Variants in UBASH3B observed in about 807,000 individuals in gnomAD.
The protein encoded by UBASH3B is ubiquitin associated and SH3 domain containing B, also known as ubiquitin-associated and SH3 domain-containing protein B.
UBASH3B carries 37 observed loss-of-function variants against 83.4 expected under a neutral mutation model. The observed-to-expected ratio is 0.44, with a 90% CI of 0.34 to 0.58. UBASH3B has a LOEUF of 0.58. Ranked by LOEUF, UBASH3B falls within the 20% of genes least tolerant of loss-of-function variation. The pLI is 0.01. For synonymous variants in UBASH3B, 304 were observed against 318.3 expected (o/e 0.96, Z 0.48); for missense variants, 657 against 827.2 (o/e 0.79, Z 2.52).
At chr11:122,750,751 CCA>C (rs1481444138) in intron 1 of UBASH3B, among the ~76,000 whole-genome samples, 1 of 152,170 alleles carries the variant, frequency 6.6e-6, no homozygotes, top group Non-Finnish European at 1.5e-5. Flanking sequence ...AGATCCTAGT[CCA>C]AGCTCTACTT....
At chr11:122,717,209 G>A (rs1353010036) in intron 1 of UBASH3B, among the ~76,000 whole-genome samples, 1 of 152,130 alleles carries the variant, frequency 6.6e-6, no homozygotes, top group Non-Finnish European at 1.5e-5. Flanking sequence ...GCAAGGCCCA[G>A]AGACATGGAG....
rs991011056 is a variant in UBASH3B at position 122,695,872 on chromosome 11, T to A, written c.161+39662T>A. On this transcript the variant is annotated intron_variant, in intron 1 of 13. Transcript: ENST00000284273. ...AGAGCTACGGGTGGTAGTTTAGAAC[T>A]GTTGGGAAGTTACTAAATAGTCACA... Among the ~76,000 whole-genome samples the A allele has an allele frequency of 2.6e-5, 4 of 152,370 alleles. No individual in the cohort carries two copies. In the East Asian group the frequency reaches 5.8e-4, roughly 22 times the overall value.
intron 1 of UBASH3B, among the ~76,000 whole-genome samples, chr11:122,731,126 A>G (rs779644593): frequency 3.3e-5 from 5 of 152,206 alleles, no homozygotes; most frequent in African/African-American, 4.8e-5. Context: ...AATTGTGCCA[A>G]TCGGATTCTG....
intron 1 of UBASH3B, among the ~76,000 whole-genome samples, chr11:122,707,691 T>G (rs918318420): frequency 6.6e-6 from 1 of 151,988 alleles, no homozygotes; most frequent in African/African-American, 2.4e-5. Context: ...ATATATAATT[T>G]TTATTTTTAT....
At chr11:122,711,793 A>G (rs1265944218) in intron 1 of UBASH3B, among the ~76,000 whole-genome samples, 1 of 152,212 alleles carries the variant, frequency 6.6e-6, no homozygotes, top group Non-Finnish European at 1.5e-5. Flanking sequence ...TCAATGTCCC[A>G]CTGACTACAT....
At chr11:122,803,778 G>C (rs1042316612) in intron 11 of UBASH3B, among the ~76,000 whole-genome samples, 1 of 152,156 alleles carries the variant, frequency 6.6e-6, no homozygotes, top group Non-Finnish European at 1.5e-5. Flanking sequence ...GTGGGGAGCA[G>C]AGAGTATATG....
intron 1 of UBASH3B, among the ~76,000 whole-genome samples, chr11:122,686,963 G>C (rs924882045): frequency 1.3e-5 from 2 of 151,942 alleles, no homozygotes; most frequent in Non-Finnish European, 2.9e-5. Flanking sequence ...CACCTCCCAG[G>C]TTCAAGTGAT....
intron 1 of UBASH3B, among the ~76,000 whole-genome samples, chr11:122,744,873 C>CTG (rs544992534): frequency 0.045 from 6,252 of 139,490 alleles, 258 homozygotes; most frequent in African/African-American, 0.1. Context: ...ATGTGTGACT[C>CTG]TGTGTGTGTG....
intron 1 of UBASH3B, among the ~76,000 whole-genome samples, chr11:122,699,557 C>CTTTCT (rs1555137178): frequency 7.0e-5 from 10 of 142,986 alleles, no homozygotes; most frequent in African/African-American, 2.6e-4. Context: ...TTCTTTCTTT[C>CTTTCT]TTTCTTTCTT....
chr11:122,674,810 C>A (rs184556346), intron 1 of UBASH3B, among the ~76,000 whole-genome samples: 26 of 147,536 alleles, frequency 1.8e-4, no homozygotes, highest in Non-Finnish European at 8.9e-5. Flanking sequence ...CTCACTGCAA[C>A]CTCCGCCTTT....
chr11:122,751,833 A>G (rs1249698567), intron 1 of UBASH3B, among the ~76,000 whole-genome samples: 1 of 152,184 alleles, frequency 6.6e-6, no homozygotes, highest in Non-Finnish European at 1.5e-5. Flanking sequence ...TGTTAGCTCC[A>G]TCAGCCTTCT....
intron 1 of UBASH3B, among the ~76,000 whole-genome samples, chr11:122,685,324 G>C (rs1863795544): frequency 6.6e-6 from 1 of 152,156 alleles, no homozygotes; most frequent in African/African-American, 2.4e-5. Context: ...CTCCTGCCTG[G>C]AAGAGTGTTT....
chr11:122,809,163 C>T (rs1861394627), intron 13 of UBASH3B, among the ~76,000 whole-genome samples: 1 of 152,050 alleles, frequency 6.6e-6, no homozygotes, highest in African/African-American at 2.4e-5. Context: ...TAACCTCTGC[C>T]TCCTGGATTC....
At chr11:122,783,311 C>A in intron 5 of UBASH3B, 89 bp downstream of exon 5, 5 of 1,468,794 alleles carry the variant, frequency 3.4e-6, no homozygotes, top group African/African-American at 2.8e-5. Context: ...TGGGTACCTA[C>A]AGGGGAAAAA....
intron 1 of UBASH3B, among the ~76,000 whole-genome samples, chr11:122,752,506 C>T (rs1410649735): frequency 6.6e-6 from 1 of 152,196 alleles, no homozygotes. Flanking sequence ...TAAGGCTTCT[C>T]GCCTCAGGAA....
intron 7 of UBASH3B, 73 bp from the exon 8 acceptor site, chr11:122,796,083 A>C: frequency 6.3e-7 from 1 of 1,585,638 alleles, no homozygotes; most frequent in Non-Finnish European, 8.6e-7. Flanking sequence ...AGCTCAGCTC[A>C]CCTGGCACCT....
intron 1 of UBASH3B, among the ~76,000 whole-genome samples, chr11:122,762,328 T>A (rs1303461740): frequency 1.3e-5 from 2 of 152,174 alleles, no homozygotes; most frequent in East Asian, 3.9e-4. Flanking sequence ...GTTACTACTC[T>A]GCCAACTGGG....
At chr11:122,692,611 T>C (rs898643933) in intron 1 of UBASH3B, among the ~76,000 whole-genome samples, 2 of 152,196 alleles carry the variant, frequency 1.3e-5, no homozygotes, top group African/African-American at 4.8e-5. Flanking sequence ...GAAGACAGTT[T>C]GCATACTGCC....
At chr11:122,799,692 A>AG (rs2135180035) in intron 10 of UBASH3B, among the ~76,000 whole-genome samples, 1 of 152,296 alleles carries the variant, frequency 6.6e-6, no homozygotes, top group South Asian at 2.1e-4. Flanking sequence ...GACAGCAGCA[A>AG]GGGTGCTCTT....
Sources: gnomAD v4.1 joint callset for allele counts (sites outside exome capture counted in the v4.1 genomes callset) on GRCh38, gnomAD v4.1.1 for gene constraint, MANE v1.5 for transcripts, NCBI Gene and HGNC (gene_info 2026-07-23, HGNC 2026-07-21) for gene names.